NBEA: variants seen among roughly 807,000 people sequenced by gnomAD.
The protein encoded by NBEA is neurobeachin.
In NBEA, 44 loss-of-function variants were observed where a neutral mutation model predicts 343.4. The ratio of observed to expected loss-of-function variants is 0.13; its 90% confidence interval spans 0.10 to 0.16. The LOEUF is 0.16. NBEA is among the 10% of genes least tolerant of loss of function. The pLI, the probability that NBEA is intolerant of heterozygous loss-of-function variation, is 1.00. For synonymous variants in NBEA, 1,175 were observed against 1,238.7 expected, an observed-to-expected ratio of 0.95 and a Z score of 1.08; for missense variants, 2,555 against 3,631.3, an observed-to-expected ratio of 0.70 and a Z score of 7.62.
At chr13:35,081,688 A>C (rs913987396) in intron 10 of NBEA, among the ~76,000 whole-genome samples, 1 of 152,166 alleles carries the variant, frequency 6.6e-6, no homozygotes, top group African/African-American at 2.4e-5. Context: ...TTTGCAAAGA[A>C]CAGAAGATTT....
At chr13:35,066,769 A>C (rs2063668514) in intron 8 of NBEA, among the ~76,000 whole-genome samples, 1 of 151,850 alleles carries the variant, frequency 6.6e-6, no homozygotes, top group South Asian at 2.1e-4. Flanking sequence ...ATTCATCTTT[A>C]ATGTGATTAT....
chr13:35,586,572 C>T (rs2081300756), intron 46 of NBEA, among the ~76,000 whole-genome samples: 1 of 152,178 alleles, frequency 6.6e-6, no homozygotes, highest in African/African-American at 2.4e-5. Flanking sequence ...AAACATTCAC[C>T]TTAATTCTGT....
At chr13:35,333,985 T>TA (rs1172871926) in intron 36 of NBEA, among the ~76,000 whole-genome samples, 1 of 152,126 alleles carries the variant, frequency 6.6e-6, no homozygotes, top group Non-Finnish European at 1.5e-5. Flanking sequence ...TGGCTACTGT[T>TA]AACAGTACTG....
chr13:35,652,702 T>TC (rs2084605371), intron 53 of NBEA, among the ~76,000 whole-genome samples: 1 of 121,360 alleles, frequency 8.2e-6, no homozygotes, highest in African/African-American at 2.9e-5. Context: ...TTTTTTTTTT[T>TC]TTTTTTTTTT....
At chr13:34,971,248 T>C (rs1395201865) in intron 1 of NBEA, among the ~76,000 whole-genome samples, 1 of 152,196 alleles carries the variant, frequency 6.6e-6, no homozygotes, top group Non-Finnish European at 1.5e-5. Flanking sequence ...TTCCCTGTAG[T>C]TGTTTATCAG....
intron 26 of NBEA, among the ~76,000 whole-genome samples, chr13:35,172,790 G>C (rs1390735119): frequency 6.6e-6 from 1 of 152,050 alleles, no homozygotes; most frequent in African/African-American, 2.4e-5. Context: ...TAAGCAGCTA[G>C]CCTAAAACCA....
intron 40 of NBEA, among the ~76,000 whole-genome samples, chr13:35,459,937 A>G (rs898700542): frequency 6.6e-6 from 1 of 152,214 alleles, no homozygotes; most frequent in Non-Finnish European, 1.5e-5. Context: ...TGTTCAGTGC[A>G]GATAGACTCA....
At chr13:35,341,101 T>C (rs1045308969) in intron 36 of NBEA, among the ~76,000 whole-genome samples, 1 of 152,016 alleles carries the variant, frequency 6.6e-6, no homozygotes, top group Admixed American at 6.6e-5. Context: ...TTATGGTCAA[T>C]TTATTTTCAA....
intron 17 of NBEA, among the ~76,000 whole-genome samples, chr13:35,136,706 C>A (rs1006017220): frequency 1.3e-5 from 2 of 152,186 alleles, no homozygotes; most frequent in Admixed American, 6.5e-5. Flanking sequence ...GCAGTGTCTG[C>A]AAGTTCTGAA....
chr13:35,044,734 A>T (rs973155574), intron 2 of NBEA, among the ~76,000 whole-genome samples: 1 of 151,740 alleles, frequency 6.6e-6, no homozygotes, highest in Non-Finnish European at 1.5e-5. Context: ...TGTAATTCAA[A>T]TAAATTCTTT....
chr13:35,417,146 G>T (rs900740372), intron 38 of NBEA, among the ~76,000 whole-genome samples: 1 of 151,728 alleles, frequency 6.6e-6, no homozygotes, highest in African/African-American at 2.4e-5. Context: ...TATTAGTCTT[G>T]CTAGCAGTCT....
rs1250943920 is a variant in NBEA at position 34,942,813 on chromosome 13, G to T, written c.-8G>T. 1.3e-5 allele frequency: 18 copies of T among 1,360,024 alleles called. No homozygotes were observed. The South Asian group carries it at 1.8e-4, about 14-fold the overall frequency. 84.2% of individuals were successfully genotyped at this position (1,360,024 alleles called of 1,614,324 possible). On this transcript the variant is annotated 5_prime_UTR_variant, in exon 1 of 59. Coordinates refer to ENST00000379939, the MANE Select transcript of NBEA (RefSeq NM_001385012.1). ...GCTGCTCTTCCCTTCTCCTCAGGAG[G>T]GGGGCCAATGGCTAGCGAGAAGCCG...
At chr13:35,305,914 A>G (rs140750046) in intron 35 of NBEA, among the ~76,000 whole-genome samples, 35 of 152,310 alleles carry the variant, frequency 2.3e-4, no homozygotes, top group African/African-American at 7.7e-4. Flanking sequence ...GTTTGGCTGC[A>G]TAGTTTGTTC....
chr13:35,148,178 A>G (rs763875398), intron 18 of NBEA, among the ~76,000 whole-genome samples: 1 of 152,198 alleles, frequency 6.6e-6, no homozygotes, highest in African/African-American at 2.4e-5. Flanking sequence ...CAAAATAGTG[A>G]TAGCATGGAG....
At chr13:35,187,630 A>G (rs2152734948) in intron 30 of NBEA, among the ~76,000 whole-genome samples, 1 of 152,090 alleles carries the variant, frequency 6.6e-6, no homozygotes, top group Non-Finnish European at 1.5e-5. Flanking sequence ...AATCATCTCC[A>G]AAGTGGGTTC....
chr13:35,515,749 GT>G (rs35118232), intron 41 of NBEA, among the ~76,000 whole-genome samples: 122,288 of 149,250 alleles, frequency 0.82, 50,290 homozygotes, highest in Non-Finnish European at 0.85. Flanking sequence ...GTAGTAACTG[GT>G]TTTTTTTTTT....
At chr13:35,313,343 T>G (rs2037496137) in intron 36 of NBEA, among the ~76,000 whole-genome samples, 1 of 152,142 alleles carries the variant, frequency 6.6e-6, no homozygotes, top group African/African-American at 2.4e-5. Context: ...ATCTTGTGTC[T>G]TATTCATCGT....
intron 18 of NBEA, among the ~76,000 whole-genome samples, chr13:35,155,132 T>TAAAAA (rs753159286): frequency 4.8e-5 from 3 of 61,882 alleles, no homozygotes; most frequent in African/African-American, 1.9e-4. Flanking sequence ...ATTCTGTCTC[T>TAAAAA]AAAAAAAAAA....
chr13:35,647,306 A>G (rs564875752), intron 51 of NBEA, among the ~76,000 whole-genome samples: 1 of 152,322 alleles, frequency 6.6e-6, no homozygotes, highest in South Asian at 2.1e-4. Flanking sequence ...CACAAGATGA[A>G]CTTCAAGACA....
Sources: allele counts gnomAD v4.1 joint callset (sites outside exome capture counted in the v4.1 genomes callset), GRCh38; gene constraint gnomAD v4.1.1; transcripts MANE v1.5; gene names NCBI Gene and HGNC (gene_info 2026-07-23, HGNC 2026-07-21).